The following RUFY3 variants were observed in gnomAD, a reference collection of about 807,000 sequenced individuals.
RUFY3 encodes RUN and FYVE domain containing 3.
In RUFY3, 34 loss-of-function variants were observed where a neutral mutation model predicts 84.0. The ratio of observed to expected loss-of-function variants is 0.40; its 90% confidence interval spans 0.31 to 0.54. RUFY3 has a LOEUF of 0.54. RUFY3 is among the 20% of genes least tolerant of loss of function. The probability of loss-of-function intolerance (pLI) is 0.39; values close to 1 mark genes in which losing one functional copy is unlikely to be tolerated. For synonymous variants in RUFY3, 242 were observed against 252.9 expected, an observed-to-expected ratio of 0.96 and a Z score of 0.41; for missense variants, 507 against 736.8, an observed-to-expected ratio of 0.69 and a Z score of 3.61.
At chr4:70,737,676 C>CTT (rs57075760) in intron 1 of RUFY3, among the ~76,000 whole-genome samples, 3,191 of 134,398 alleles carry the variant, frequency 0.024, 79 homozygotes, top group Middle Eastern at 0.052. Flanking sequence ...ATTAATTCCT[C>CTT]TTTTTTTTTT....
chr4:70,780,389 G>A (rs181393478), intron 8 of RUFY3, among the ~76,000 whole-genome samples: 255 of 152,150 alleles, frequency 1.7e-3, no homozygotes, highest in Non-Finnish European at 2.6e-3. Context: ...TCCACCTCCC[G>A]GTTCAAGCAA....
intron 10 of RUFY3, 117 bp downstream of exon 10, chr4:70,784,996 G>T: frequency 3.4e-6 from 2 of 596,446 alleles, no homozygotes; most frequent in Non-Finnish European, 5.5e-6. Flanking sequence ...AAAAATTCTA[G>T]ATCCTATAAA....
Position 70,722,558 on chromosome 4 carries a change from T to G in RUFY3, c.-16T>G. ...GTGTGTGTCTGTGTGTGTGTTGTGG[T>G]CCCAGCTGAGTCATCATGTCTGCTC... On this transcript the variant is annotated 5_prime_UTR_variant, in exon 1 of 18. Transcript: ENST00000381006. The G allele has an allele frequency of 1.2e-6, 2 of 1,609,920 alleles. No homozygotes were observed. The highest frequency in any genetic ancestry group is 1.7e-6 in the Non-Finnish European group (2 of 1,178,242).
chr4:70,802,302 C>G (rs1732329290), intron 15 of RUFY3, among the ~76,000 whole-genome samples: 1 of 152,192 alleles, frequency 6.6e-6, no homozygotes, highest in Non-Finnish European at 1.5e-5. Flanking sequence ...GGTGGTCACA[C>G]TGCTACTCAA....
intron 13 of RUFY3, among the ~76,000 whole-genome samples, chr4:70,794,224 A>G (rs1578244468): frequency 1.3e-5 from 2 of 152,300 alleles, no homozygotes; most frequent in Middle Eastern, 3.4e-3. Flanking sequence ...TTCACATGCA[A>G]ACTCTCCTAA....
intron 1 of RUFY3, among the ~76,000 whole-genome samples, chr4:70,743,291 C>CG (rs1335558255): frequency 1.3e-5 from 2 of 151,916 alleles, no homozygotes; most frequent in African/African-American, 4.8e-5. Context: ...AGGCTGGTCT[C>CG]GAACTCCTGA....
intron 7 of RUFY3, among the ~76,000 whole-genome samples, chr4:70,778,029 T>G (rs1351129973): frequency 6.6e-6 from 1 of 152,134 alleles, no homozygotes; most frequent in Non-Finnish European, 1.5e-5. Context: ...GTCAACAGTT[T>G]GAGACCTGCC....
chr4:70,805,562 T>A (rs1732748391), intron 17 of RUFY3, among the ~76,000 whole-genome samples: 1 of 152,220 alleles, frequency 6.6e-6, no homozygotes, highest in Admixed American at 6.5e-5. Flanking sequence ...AAAATTTTAA[T>A]AAATTATAAT....
intron 1 of RUFY3, among the ~76,000 whole-genome samples, chr4:70,707,767 A>G (rs910796413): frequency 1.4e-5 from 2 of 146,066 alleles, no homozygotes; most frequent in Non-Finnish European, 2.9e-5. Flanking sequence ...GATTCAAAAT[A>G]GTTTTTTGTT....
chr4:70,771,043 T>C (rs766265625), intron 5 of RUFY3, among the ~76,000 whole-genome samples: 1 of 152,160 alleles, frequency 6.6e-6, no homozygotes, highest in Non-Finnish European at 1.5e-5. Context: ...TGCCATCTTA[T>C]ATGGGCGTAG....
chr4:70,710,979 C>T (rs548393236), intron 1 of RUFY3, among the ~76,000 whole-genome samples: 125 of 147,746 alleles, frequency 8.5e-4, no homozygotes, highest in Non-Finnish European at 1.6e-3. Flanking sequence ...GCAGGAGAAC[C>T]GCTTGAACCC....
In RUFY3 at chr4:70,722,380, G is replaced by C. The variant is rs765910971; in HGVS notation, c.-194G>C. The C allele has an allele frequency of 2.1e-5, 28 of 1,325,284 alleles. No homozygotes were observed. Among genetic ancestry groups the C allele is most frequent in the Non-Finnish European group, 2.6e-5 (27 of 1,037,406 alleles). 82.1% of individuals were successfully genotyped at this position (1,325,284 alleles called of 1,614,324 possible). On this transcript the variant is annotated 5_prime_UTR_variant, in exon 1 of 18. Coordinates refer to ENST00000381006, the MANE Select transcript of RUFY3 (RefSeq NM_001037442.4). ...AAGATAGTGTAGAATTGTTTATCTT[G>C]AGCAGTTTGTTCTTAACCTATAAGG... is the stretch of plus-strand genomic sequence containing the variant.
rs142376419 is a variant in RUFY3, at chr4:70,753,199, C to G, written c.179-9320C>G. 3.2e-3 allele frequency among the ~76,000 whole-genome samples: 487 copies of G among 152,224 alleles called. 1 individual carries two copies. Among genetic ancestry groups the G allele is most frequent in the African/African-American group, 0.011 (470 of 41,532 alleles). ...TTGACATACAGTTGTCCGTAGTATT[C>G]CCTTATAATCCTTGTTTCTGTAATG... On this transcript the variant is annotated intron_variant, in intron 1 of 17. Coordinates refer to ENST00000381006, the MANE Select transcript of RUFY3 (RefSeq NM_001037442.4).
chr4:70,719,595 TGGA>T (rs1742034717), upstream of RUFY3, among the ~76,000 whole-genome samples: 1 of 152,236 alleles, frequency 6.6e-6, no homozygotes, highest in African/African-American at 2.4e-5. Flanking sequence ...TAGGGCTGTT[TGGA>T]GTTGTGGTTC....
intron 12 of RUFY3, 45 bp from the exon 13 acceptor site, chr4:70,793,740 C>A (rs753335058): frequency 6.2e-7 from 1 of 1,613,486 alleles, no homozygotes. Flanking sequence ...TCTTCCCCAC[C>A]ATGGCTTTTG....
intron 17 of RUFY3, among the ~76,000 whole-genome samples, chr4:70,805,137 T>C (rs891077064): frequency 3.9e-5 from 6 of 152,322 alleles, no homozygotes; most frequent in Middle Eastern, 3.4e-3. Context: ...TAATGCTAAC[T>C]ACATTTCCCA....
chr4:70,720,182 G>A (rs1204156086), upstream of RUFY3, among the ~76,000 whole-genome samples: 1 of 152,060 alleles, frequency 6.6e-6, no homozygotes, highest in Non-Finnish European at 1.5e-5. Context: ...CTCCCAAGTA[G>A]CTAGGACCAC....
chr4:70,721,875 C>T (rs1054347179), upstream of RUFY3: 1 of 1,230,542 alleles, frequency 8.1e-7, no homozygotes, highest in Non-Finnish European at 1.0e-6. Flanking sequence ...TAATTGCTCT[C>T]CCAGCATCAG....
intron 10 of RUFY3, among the ~76,000 whole-genome samples, chr4:70,786,740 G>C (rs1246117220): frequency 6.6e-6 from 1 of 151,802 alleles, no homozygotes; most frequent in African/African-American, 2.4e-5. Context: ...ATTTTATCCA[G>C]GTGCTAGTGT....
Sources: allele counts gnomAD v4.1 joint callset (sites outside exome capture counted in the v4.1 genomes callset), GRCh38; gene constraint gnomAD v4.1.1; transcripts MANE v1.5; gene names NCBI Gene and HGNC (gene_info 2026-07-23, HGNC 2026-07-21).